Variants in XRCC4 observed in about 807,000 individuals in gnomAD.
XRCC4 encodes the protein DNA repair protein XRCC4.
XRCC4 carries 28 observed loss-of-function variants against 39.1 expected under a neutral mutation model. The observed-to-expected ratio is 0.72, with a 90% CI of 0.53 to 0.98. The LOEUF is 0.98. XRCC4 is among the 50% of genes least tolerant of loss of function. XRCC4 has a pLI of 0.00. For missense variants in XRCC4, 350 were observed against 376.4 expected (o/e 0.93, Z 0.58); for synonymous variants, 123 against 126.4 (o/e 0.97, Z 0.18).
chr5:83,202,762 C>T (rs1323194168), intron 4 of XRCC4, among the ~76,000 whole-genome samples: 1 of 152,080 alleles, frequency 6.6e-6, no homozygotes, highest in Non-Finnish European at 1.5e-5. Flanking sequence ...ATGTATTCAT[C>T]ATGTATGTGT....
chr5:83,106,462 G>A (rs1349808757), intron 2 of XRCC4, among the ~76,000 whole-genome samples: 1 of 151,990 alleles, frequency 6.6e-6, no homozygotes, highest in Non-Finnish European at 1.5e-5. Context: ...AGGTGTTTCA[G>A]GAGCCTTAAT....
At chr5:83,191,771 G>A (rs1482092239) in intron 3 of XRCC4, among the ~76,000 whole-genome samples, 4 of 152,154 alleles carry the variant, frequency 2.6e-5, no homozygotes, top group East Asian at 1.9e-4. Flanking sequence ...CGTGTAAGAT[G>A]TGACTTGCTC....
At chr5:83,325,306 A>G (rs1221609233) in intron 7 of XRCC4, among the ~76,000 whole-genome samples, 2 of 151,430 alleles carry the variant, frequency 1.3e-5, no homozygotes, top group Non-Finnish European at 1.5e-5. Context: ...CTTTTTTCCT[A>G]TAAGTTTTAT....
downstream of XRCC4, among the ~76,000 whole-genome samples, chr5:83,355,979 ATACAC>A (rs1360972690): frequency 6.6e-6 from 1 of 152,208 alleles, no homozygotes; most frequent in Non-Finnish European, 1.5e-5. Context: ...AATTACACAC[ATACAC>A]TATTAATCAG....
At chr5:83,204,777 A>G in intron 5 of XRCC4, 38 bp from the exon 6 acceptor site, 1 of 1,527,138 alleles carries the variant, frequency 6.5e-7, no homozygotes, top group Non-Finnish European at 9.0e-7. Flanking sequence ...GCAGGGGGTG[A>G]GCCAGTTATT....
intron 3 of XRCC4, among the ~76,000 whole-genome samples, chr5:83,119,399 T>A (rs545726065): frequency 2.0e-4 from 30 of 152,292 alleles, no homozygotes; most frequent in African/African-American, 7.2e-4. Flanking sequence ...ACTATATAAT[T>A]TTTGTGATCT....
chr5:83,263,057 A>G (rs1053995782), intron 7 of XRCC4, among the ~76,000 whole-genome samples: 1 of 136,592 alleles, frequency 7.3e-6, no homozygotes, highest in Non-Finnish European at 1.5e-5. Context: ...ATGTGATCTC[A>G]TTGTTCAACT....
chr5:83,130,512 T>G (rs979157266), intron 3 of XRCC4, among the ~76,000 whole-genome samples: 1 of 152,170 alleles, frequency 6.6e-6, no homozygotes, highest in Non-Finnish European at 1.5e-5. Context: ...TTCCCTCTTT[T>G]TTTATTGATT....
chr5:83,373,736 C>G, the XRCC4 span, among the ~76,000 whole-genome samples: 2 of 152,132 alleles, frequency 1.3e-5, no homozygotes, highest in African/African-American at 4.8e-5. Flanking sequence ...GAGAGAATGT[C>G]TACACCTCAC....
chr5:83,277,851 T>A (rs1037133937), intron 7 of XRCC4, among the ~76,000 whole-genome samples: 8 of 152,242 alleles, frequency 5.3e-5, no homozygotes, highest in Admixed American at 2.6e-4. Flanking sequence ...AACTATACAT[T>A]CTTTGATGAT....
At chr5:83,364,859 A>T in the XRCC4 span, among the ~76,000 whole-genome samples, 2 of 152,144 alleles carry the variant, frequency 1.3e-5, no homozygotes, top group South Asian at 4.1e-4. Flanking sequence ...TGTACAATGT[A>T]CTCTTTCATT....
Position 83,349,449 on chromosome 5 carries a change from A to G in XRCC4, c.894-3682A>G, listed in dbSNP as rs77368766. Among the ~76,000 whole-genome samples, 943 of 152,348 alleles carry G rather than the reference A, an allele frequency of 6.2e-3. 7 individuals carry two copies. The highest frequency in any genetic ancestry group is 0.022 in the African/African-American group (907 of 41,584). ...GTGGAGAGAGTTCTAAATTTACTCT[A>G]TTGACTTGCCATAGATATAAAAGCT... On this transcript the variant is annotated intron_variant, in intron 7 of 7. Transcript: ENST00000396027.
chr5:83,095,433 C>G (rs190377848), intron 1 of XRCC4, among the ~76,000 whole-genome samples: 6 of 152,246 alleles, frequency 3.9e-5, no homozygotes, highest in African/African-American at 1.4e-4. Context: ...TAGAAATGAT[C>G]AGTGGGGTAG....
chr5:83,324,125 G>A (rs1350065928), intron 7 of XRCC4, among the ~76,000 whole-genome samples: 1 of 152,068 alleles, frequency 6.6e-6, no homozygotes, highest in East Asian at 1.9e-4. Flanking sequence ...AAATACTTGT[G>A]TATAAATATA....
intron 7 of XRCC4, among the ~76,000 whole-genome samples, chr5:83,342,538 T>C (rs1756794795): frequency 6.6e-6 from 1 of 152,172 alleles, no homozygotes; most frequent in Non-Finnish European, 1.5e-5. Context: ...GAAAAAGATA[T>C]CTTTAGGAAT....
chr5:83,232,641 C>T (rs1353726199), intron 6 of XRCC4, among the ~76,000 whole-genome samples: 1 of 152,064 alleles, frequency 6.6e-6, no homozygotes, highest in East Asian at 1.9e-4. Context: ...CCAAATTCTT[C>T]TAGATATCCT....
chr5:83,347,579 A>G (rs1399651945), intron 7 of XRCC4, among the ~76,000 whole-genome samples: 1 of 152,166 alleles, frequency 6.6e-6, no homozygotes, highest in East Asian at 1.9e-4. Flanking sequence ...TGCCCCCATG[A>G]TCCAGTCACT....
rs1373085828 is a variant in XRCC4 at position 83,203,687 on chromosome 5, A to G, written c.618A>G (p.Glu206=). 1 of 1,608,672 alleles carries G rather than the reference A, an allele frequency of 6.2e-7. No homozygotes were observed. The highest frequency in any genetic ancestry group is 1.7e-5 in the Admixed American group (1 of 59,008). ...NKLLNAAQER[E]KDIKQEGETA... is the part of the protein sequence containing the mutation. ...TATTAAATGCAGCTCAAGAACGAGA[A>G]AAGGACATCAAACAAGAAGGGTATT... is the stretch of plus-strand genomic sequence containing the variant. The change falls in exon 5 of 8, where the codon GAA becomes GAG. Residue 206 remains glutamate (E), a synonymous_variant. Transcript: ENST00000396027.
Position 83,249,377 on chromosome 5 carries a change from C to T in XRCC4, c.746-9153C>T, listed in dbSNP as rs141030853. Among the ~76,000 whole-genome samples, 1,170 of 152,156 alleles carry T rather than the reference C, an allele frequency of 7.7e-3. 10 individuals are homozygous for T. Among genetic ancestry groups the T allele is most frequent in the African/African-American group, 0.025 (1,057 of 41,532 alleles). On this transcript the variant is annotated intron_variant, in intron 6 of 7. Transcript: ENST00000396027. The stretch of plus-strand genomic sequence containing the variant: ...TAGGACATGTCTAGTGTTGCAAATC[C>T]GGAAATCTCTTTTTTGAAAATCATT...
Sources: allele counts gnomAD v4.1 joint callset (sites outside exome capture counted in the v4.1 genomes callset), GRCh38; gene constraint gnomAD v4.1.1; transcripts MANE v1.5; gene names NCBI Gene and HGNC (gene_info 2026-07-23, HGNC 2026-07-21).